Variants in DSCAM observed in about 807,000 individuals in gnomAD.
DSCAM encodes DS cell adhesion molecule, also known as cell adhesion molecule DSCAM.
Under a neutral mutation model 217.7 loss-of-function variants are expected in DSCAM, and 47 were observed. The ratio of observed to expected loss-of-function variants is 0.22; its 90% CI spans 0.17 to 0.28. The LOEUF is 0.28. Ranked by LOEUF, DSCAM falls within the 10% of genes least tolerant of loss-of-function variation. The pLI is 1.00. For missense variants in DSCAM, 2,080 were observed against 2,618.3 expected, an observed-to-expected ratio of 0.79 and a Z score of 4.49; for synonymous variants, 1,056 against 1,015.3, an observed-to-expected ratio of 1.04 and a Z score of -0.76.
intron 3 of DSCAM, among the ~76,000 whole-genome samples, chr21:40,647,856 C>T (rs551871065): frequency 6.6e-5 from 10 of 152,182 alleles, no homozygotes; most frequent in Non-Finnish European, 1.2e-4. Flanking sequence ...CAACAGCATC[C>T]AGCTGACTCT....
intron 3 of DSCAM, among the ~76,000 whole-genome samples, chr21:40,466,356 G>C (rs1403213345): frequency 6.6e-6 from 1 of 152,086 alleles, no homozygotes; most frequent in African/African-American, 2.4e-5. Context: ...GTTCCTACCT[G>C]ATGGTTGATT....
intron 11 of DSCAM, among the ~76,000 whole-genome samples, chr21:40,196,319 C>T (rs1223386076): frequency 6.6e-6 from 1 of 152,184 alleles, no homozygotes. Flanking sequence ...TTTTGGCTTT[C>T]TCACCTGAGT....
At chr21:40,231,246 G>A (rs76092167) in intron 11 of DSCAM, among the ~76,000 whole-genome samples, 37 of 151,436 alleles carry the variant, frequency 2.4e-4, no homozygotes, top group African/African-American at 8.7e-4. Context: ...GTGTGAGGAC[G>A]ACCCCAAGAC....
intron 3 of DSCAM, among the ~76,000 whole-genome samples, chr21:40,559,933 C>T (rs1197397886): frequency 1.3e-5 from 2 of 151,910 alleles, no homozygotes; most frequent in African/African-American, 2.4e-5. Context: ...GCTGGGGCTA[C>T]AGGCGCCCAA....
intron 4 of DSCAM, among the ~76,000 whole-genome samples, chr21:40,363,193 T>C (rs1355031600): frequency 6.6e-6 from 1 of 151,794 alleles, no homozygotes; most frequent in Non-Finnish European, 1.5e-5. Flanking sequence ...GACTTCTCAG[T>C]GGAAAGACTG....
At chr21:40,238,046 T>C (rs541506257) in intron 11 of DSCAM, among the ~76,000 whole-genome samples, 1 of 152,242 alleles carries the variant, frequency 6.6e-6, no homozygotes, top group African/African-American at 2.4e-5. Flanking sequence ...AAAGAGCTTG[T>C]GGAAGATTGG....
chr21:40,748,872 G>A (rs1183509257), intron 1 of DSCAM, among the ~76,000 whole-genome samples: 3 of 152,008 alleles, frequency 2.0e-5, no homozygotes, highest in East Asian at 1.9e-4. Flanking sequence ...TGACACTGGC[G>A]TAAAAACAGA....
intron 3 of DSCAM, among the ~76,000 whole-genome samples, chr21:40,545,473 C>T (rs1001998953): frequency 6.6e-6 from 1 of 152,086 alleles, no homozygotes; most frequent in Admixed American, 6.5e-5. Context: ...CTGCAAAGTC[C>T]CACTTTTTCT....
chr21:40,688,448 T>C (rs919943401), intron 3 of DSCAM, among the ~76,000 whole-genome samples: 2 of 152,218 alleles, frequency 1.3e-5, no homozygotes, highest in African/African-American at 4.8e-5. Context: ...CAAAAGCATG[T>C]CATTATTCAA....
chr21:40,133,815 C>T, intron 19 of DSCAM, 39 bp downstream of exon 19: 5 of 1,559,686 alleles, frequency 3.2e-6, no homozygotes, highest in Non-Finnish European at 4.3e-6. Flanking sequence ...CCCAGCCCTT[C>T]CAGCAACTGC....
intron 3 of DSCAM, among the ~76,000 whole-genome samples, chr21:40,438,263 CTTGTGATA>C (rs148092424): frequency 1.1e-3 from 172 of 152,210 alleles, no homozygotes; most frequent in African/African-American, 4.0e-3. Flanking sequence ...TAAAATAGAG[CTTGTGATA>C]TTGTCCAAAG....
Position 40,295,400 on chromosome 21 carries a change from T to A in DSCAM, c.2182+655A>T, listed in dbSNP as rs114110383. On this transcript the variant is annotated intron_variant, in intron 10 of 32. Transcript: ENST00000400454. The stretch of plus-strand genomic sequence containing the variant: ...AACATGATTCCACTCTTCGTTTCCA[T>A]GTCATACATTTCTACTTGCATAATA... 2.3e-3 allele frequency among the ~76,000 whole-genome samples: 348 copies of A among 152,302 alleles called. 2 individuals carry two copies. Among genetic ancestry groups the A allele is most frequent in the African/African-American group, 8.2e-3 (339 of 41,554 alleles).
At chr21:40,283,845 G>A (rs1316545650) in intron 10 of DSCAM, among the ~76,000 whole-genome samples, 1 of 152,194 alleles carries the variant, frequency 6.6e-6, no homozygotes, top group Non-Finnish European at 1.5e-5. Flanking sequence ...TGGTCAATGA[G>A]CTCATCCAGA....
At chr21:40,137,121 G>A (rs1601368898) in intron 18 of DSCAM, among the ~76,000 whole-genome samples, 3 of 146,058 alleles carry the variant, frequency 2.1e-5, no homozygotes, top group Non-Finnish European at 4.5e-5. Context: ...CTTGCAGTGA[G>A]TCGAGATCGC....
intron 3 of DSCAM, among the ~76,000 whole-genome samples, chr21:40,622,305 A>G (rs889932885): frequency 6.6e-6 from 1 of 152,160 alleles, no homozygotes. Context: ...GTGTGCTTCA[A>G]TGGGAAGCGC....
rs576855344 is a variant in DSCAM, at chr21:40,359,484, T to C, written c.656-5741A>G. 8.3e-4 allele frequency among the ~76,000 whole-genome samples: 127 copies of C among 152,318 alleles called. 1 individual carries two copies. The highest frequency in any genetic ancestry group is 2.9e-3 in the African/African-American group (119 of 41,568). On this transcript the variant is annotated intron_variant, in intron 4 of 32. Transcript: ENST00000400454. The stretch of plus-strand genomic sequence containing the variant: ...GGCCCCAAGTTCTAGGTATCTACCC[T>C]AAATGAATGAAAACATGTTCACTCA...
chr21:40,403,349 G>A (rs999208897), intron 3 of DSCAM, among the ~76,000 whole-genome samples: 1 of 150,656 alleles, frequency 6.6e-6, no homozygotes, highest in Non-Finnish European at 1.5e-5. Flanking sequence ...CCAGGCTGGA[G>A]TGCAGTGATG....
chr21:40,655,388 G>A (rs55756105), intron 3 of DSCAM, among the ~76,000 whole-genome samples: 22,565 of 151,528 alleles, frequency 0.15, 1,904 homozygotes, highest in Admixed American at 0.24. Context: ...CCCTATAGCT[G>A]CACCTTTACA....
rs116767368 is a variant in DSCAM at position 40,551,729 on chromosome 21, G to C, written c.508+141081C>G. Among the ~76,000 whole-genome samples, 1,392 of 152,244 alleles carry C rather than the reference G, an allele frequency of 9.1e-3. 20 individuals are homozygous for C. The highest frequency in any genetic ancestry group is 0.031 in the African/African-American group (1,305 of 41,532). ...TTATGTGATATTATACTAAAGTTAGGTTGGAATTTGGTATCTTATTGCTAT... is the reference window on the plus strand; with the variant it reads ...TTATGTGATATTATACTAAAGTTAGCTTGGAATTTGGTATCTTATTGCTAT... On this transcript the variant is annotated intron_variant, in intron 3 of 32. Coordinates refer to ENST00000400454, the MANE Select transcript of DSCAM (RefSeq NM_001389.5).
Sources: gnomAD v4.1 joint callset for allele counts (sites outside exome capture counted in the v4.1 genomes callset) on GRCh38, gnomAD v4.1.1 for gene constraint, MANE v1.5 for transcripts, NCBI Gene and HGNC (gene_info 2026-07-23, HGNC 2026-07-21) for gene names.